Variants in PPM1D observed in about 807,000 individuals in gnomAD.
The protein encoded by PPM1D is protein phosphatase 1D.
In PPM1D, 52 loss-of-function variants were observed where a neutral mutation model predicts 58.3. That is an observed-to-expected ratio of 0.89 (90% CI 0.71 to 1.12). The LOEUF (loss-of-function observed/expected upper bound fraction) is 1.12. Ranked by LOEUF, PPM1D falls within the 50% of genes most tolerant of loss-of-function variation. PPM1D has a pLI of 0.00. For synonymous variants in PPM1D, 278 were observed against 285.1 expected (o/e 0.98, Z 0.25); for missense variants, 564 against 777.2 (o/e 0.73, Z 3.26).
chr17:60,658,712 C>G (rs1033059470), intron 5 of PPM1D, among the ~76,000 whole-genome samples: 1 of 152,036 alleles, frequency 6.6e-6, no homozygotes, highest in Non-Finnish European at 1.5e-5. Flanking sequence ...GCCTGTAATC[C>G]CAGCACTTTG....
chr17:60,663,135 C>T lies in PPM1D; in HGVS notation c.1401C>T (p.Pro467=), dbSNP rs544075151. The T allele has an allele frequency of 4.3e-6, 7 of 1,614,066 alleles. No homozygotes were observed. In the Admixed American group the frequency reaches 6.7e-5, roughly 15 times the overall value. ...ARENVQGVVI[P]SKDPEPLEEN... The stretch of plus-strand genomic sequence containing the variant: ...AGAATGTCCAAGGTGTAGTCATACC[C>T]TCAAAAGATCCAGAACCACTTGAAG... The change falls in exon 6 of 6, where the codon CCC becomes CCT. Residue 467 remains proline (P), a synonymous_variant. Transcript: ENST00000305921.
intron 3 of PPM1D, among the ~76,000 whole-genome samples, chr17:60,635,793 A>T (rs1440679231): frequency 6.6e-6 from 1 of 152,216 alleles, no homozygotes; most frequent in Non-Finnish European, 1.5e-5. Context: ...ATTTCTTCCC[A>T]AAGTGATTAT....
chr17:60,630,045 A>T (rs190845489), intron 2 of PPM1D, among the ~76,000 whole-genome samples: 7,050 of 152,188 alleles, frequency 0.046, 575 homozygotes, highest in African/African-American at 0.16. Context: ...GTCTCAAAAA[A>T]AATAAAATAA....
chr17:60,626,577 G>A (rs1300836103), intron 2 of PPM1D, among the ~76,000 whole-genome samples: 1 of 151,914 alleles, frequency 6.6e-6, no homozygotes, highest in African/African-American at 2.4e-5. Context: ...TGTATTTTTA[G>A]TAGAGATGGG....
chr17:60,621,142 C>T (rs913632513), intron 1 of PPM1D, among the ~76,000 whole-genome samples: 22 of 151,696 alleles, frequency 1.5e-4, no homozygotes, highest in African/African-American at 5.1e-4. Context: ...AGGTTGGTCT[C>T]GAACTCCTGA....
intron 5 of PPM1D, among the ~76,000 whole-genome samples, chr17:60,659,611 GTAAT>G (rs1338109713): frequency 6.6e-6 from 1 of 152,222 alleles, no homozygotes; most frequent in Non-Finnish European, 1.5e-5. Context: ...GGCACAGTTT[GTAAT>G]TAATTGTTTA....
At chr17:60,641,470 T>C (rs935127238) in intron 3 of PPM1D, among the ~76,000 whole-genome samples, 1 of 152,262 alleles carries the variant, frequency 6.6e-6, no homozygotes, top group African/African-American at 2.4e-5. Context: ...TTAAGTTCTT[T>C]ACAGATTCTA....
chr17:60,606,986 ATTTTTTTTTTTAAT>A (rs1016257342), intron 1 of PPM1D, among the ~76,000 whole-genome samples: 88 of 147,312 alleles, frequency 6.0e-4, no homozygotes, highest in African/African-American at 1.8e-3. Flanking sequence ...CGCCCAGCTA[ATTTTTTTTTTTAAT>A]TTTTTTTTTT....
At chr17:60,650,180 T>C (rs1312114280) in intron 4 of PPM1D, among the ~76,000 whole-genome samples, 9 of 152,218 alleles carry the variant, frequency 5.9e-5, no homozygotes, top group Non-Finnish European at 1.5e-5. Context: ...GGAAGCTTCA[T>C]GGAAGAGAGT....
At position 60,603,070 on chromosome 17, in the gene PPM1D, C is replaced by T. The variant is rs73990907; in HGVS notation, c.472+2184C>T. Among the ~76,000 whole-genome samples the T allele has an allele frequency of 5.3e-3, 811 of 152,092 alleles. 3 individuals are homozygous for T. Among genetic ancestry groups the T allele is most frequent in the African/African-American group, 0.019 (780 of 41,492 alleles). Reference sequence around the variant, plus strand: ...CTTGGATTCTGCCTCTCTCACCCTGCCCCCCCAACAAGGAAAACTCAAACA... The same window carrying T: ...CTTGGATTCTGCCTCTCTCACCCTGTCCCCCCAACAAGGAAAACTCAAACA... On this transcript the variant is annotated intron_variant, in intron 1 of 5. Transcript: ENST00000305921.
intron 4 of PPM1D, among the ~76,000 whole-genome samples, chr17:60,656,330 G>A (rs747175974): frequency 1.8e-4 from 27 of 151,546 alleles, no homozygotes; most frequent in Non-Finnish European, 3.1e-4. Flanking sequence ...GCGGGCGCCT[G>A]TAGTCCTAGC....
At chr17:60,649,309 AG>A (rs2031302541) in intron 4 of PPM1D, among the ~76,000 whole-genome samples, 1 of 152,198 alleles carries the variant, frequency 6.6e-6, no homozygotes, top group Admixed American at 6.5e-5. Flanking sequence ...TCCTTAGAAA[AG>A]ATGATCTTTC....
chr17:60,658,050 A>G (rs1162133374), intron 5 of PPM1D, among the ~76,000 whole-genome samples: 1 of 152,230 alleles, frequency 6.6e-6, no homozygotes, highest in Admixed American at 6.5e-5. Context: ...TTCATTCACA[A>G]AAGGTTTCTT....
chr17:60,637,231 T>C (rs1053061915), intron 3 of PPM1D, among the ~76,000 whole-genome samples: 2 of 152,094 alleles, frequency 1.3e-5, no homozygotes, highest in African/African-American at 4.8e-5. Flanking sequence ...TGAATTTTTC[T>C]CTTTTTTCTT....
intron 4 of PPM1D, among the ~76,000 whole-genome samples, chr17:60,651,324 A>G (rs764335465): frequency 2.0e-5 from 3 of 151,804 alleles, no homozygotes; most frequent in Non-Finnish European, 4.4e-5. Context: ...TCTGAGGTGC[A>G]TATTTTCTTT....
Position 60,663,475 on chromosome 17 carries a change from C to A in PPM1D, c.1741C>A (p.Arg581=), listed in dbSNP as rs747668756. ...AAAGAACTCTGTTAAACTCACCATG[C>A]GACGCAGACTTAGGGGCCAGAAGAA... The part of the protein sequence containing the change: ...QRKNSVKLTM[R]RRLRGQKKIG... The change falls in exon 6 of 6, where the codon CGA becomes AGA. Residue 581 remains arginine, a synonymous_variant. Transcript: ENST00000305921. The A allele has an allele frequency of 1.2e-6, 2 of 1,613,830 alleles. No homozygotes were observed. Among genetic ancestry groups the A allele is most frequent in the African/African-American group, 1.3e-5 (1 of 74,920 alleles).
intron 2 of PPM1D, among the ~76,000 whole-genome samples, chr17:60,626,915 A>T (rs960134324): frequency 1.3e-5 from 2 of 151,660 alleles, no homozygotes; most frequent in African/African-American, 4.8e-5. Context: ...AGCCATTTAT[A>T]TTTTCTTTTC....
intron 2 of PPM1D, 109 bp from the exon 3 acceptor site, chr17:60,633,744 T>G: frequency 8.6e-7 from 1 of 1,168,390 alleles, no homozygotes; most frequent in South Asian, 1.6e-5. Context: ...ACATAAGACA[T>G]TATTTTGTAA....
intron 3 of PPM1D, among the ~76,000 whole-genome samples, chr17:60,643,200 C>T (rs1365083449): frequency 2.0e-5 from 3 of 151,924 alleles, no homozygotes; most frequent in African/African-American, 4.8e-5. Context: ...GCCAATATGG[C>T]GAAACCCCAT....
Sources: allele counts gnomAD v4.1 joint callset (sites outside exome capture counted in the v4.1 genomes callset), GRCh38; gene constraint gnomAD v4.1.1; transcripts MANE v1.5; gene names NCBI Gene and HGNC (gene_info 2026-07-23, HGNC 2026-07-21).